The following PATJ variants were observed in gnomAD, a reference collection of about 807,000 sequenced individuals.
The protein encoded by PATJ is inaD-like protein.
Under a neutral mutation model 224.9 loss-of-function variants are expected in PATJ, and 190 were observed. The ratio of observed to expected loss-of-function variants is 0.84; its 90% CI spans 0.75 to 0.95. The LOEUF (loss-of-function observed/expected upper bound fraction) is 0.95, where lower values mean the gene tolerates loss of function less well. Among genes scored for constraint, PATJ ranks in the 40% least tolerant of loss-of-function variants. The pLI, the probability that PATJ is intolerant of heterozygous loss-of-function variation, is 0.00. For synonymous variants in PATJ, 769 were observed against 820.3 expected, an observed-to-expected ratio of 0.94 and a Z score of 1.07; for missense variants, 2,121 against 2,270.3, an observed-to-expected ratio of 0.93 and a Z score of 1.34.
intron 22 of PATJ, among the ~76,000 whole-genome samples, chr1:61,885,389 A>G (rs1668671280): frequency 6.6e-6 from 1 of 152,232 alleles, no homozygotes; most frequent in African/African-American, 2.4e-5. Context: ...GACACTTCTC[A>G]AAAGAAGACA....
chr1:61,918,919 C>T (rs961424658), intron 26 of PATJ, among the ~76,000 whole-genome samples: 1 of 151,854 alleles, frequency 6.6e-6, no homozygotes, highest in Non-Finnish European at 1.5e-5. Flanking sequence ...GGTCACACCA[C>T]TGCACTCCAG....
At chr1:62,077,165 A>T (rs1284177264) in intron 31 of PATJ, among the ~76,000 whole-genome samples, 1 of 152,214 alleles carries the variant, frequency 6.6e-6, no homozygotes, top group Non-Finnish European at 1.5e-5. Context: ...AGAATGACCT[A>T]AAAATTGTAC....
chr1:61,800,635 G>T (rs541491489), intron 11 of PATJ, among the ~76,000 whole-genome samples: 29 of 152,186 alleles, frequency 1.9e-4, no homozygotes, highest in Non-Finnish European at 3.4e-4. Context: ...CAACGTGCAG[G>T]TTTGTTACAT....
intron 27 of PATJ, among the ~76,000 whole-genome samples, chr1:61,958,521 C>T (rs906559496): frequency 1.3e-5 from 2 of 152,158 alleles, no homozygotes; most frequent in Non-Finnish European, 2.9e-5. Flanking sequence ...AAGTACCCTA[C>T]CATTTGTAAA....
Position 61,827,455 on chromosome 1 carries a change from C to G in PATJ, c.1852C>G (p.Arg618Gly). 1 of 1,613,876 alleles carries G rather than the reference C, an allele frequency of 6.2e-7. No homozygotes were observed. Among genetic ancestry groups the G allele is most frequent in the Non-Finnish European group, 8.5e-7 (1 of 1,179,922 alleles). Residue 618 changes from arginine to glycine, a missense_variant, in exon 16 of 44, where the codon CGA becomes GGA. By Grantham distance (125) the Arg-to-Gly change is moderately radical. Transcript: ENST00000642238. ...NGMQLYGKSR[R>G]EAVSFLKEVP... ...CATGCAGCTTTATGGAAAATCTCGC[C>G]GAGAAGCAGTCTCCTTTCTTAAAGA...
chr1:61,783,439 T>G (rs1254809061), intron 7 of PATJ, among the ~76,000 whole-genome samples: 1 of 149,060 alleles, frequency 6.7e-6, no homozygotes, highest in East Asian at 1.9e-4. Context: ...TTTTTTTTTT[T>G]TTAAATAGAG....
At chr1:61,871,511 GCA>G (rs1666563255) in intron 20 of PATJ, among the ~76,000 whole-genome samples, 1 of 119,116 alleles carries the variant, frequency 8.4e-6, no homozygotes, top group Non-Finnish European at 1.8e-5. Context: ...ACATATATAC[GCA>G]TATATATAAA....
Position 62,066,249 on chromosome 1 carries a change from A to C in PATJ, c.4126-13201A>C, listed in dbSNP as rs534598577. ...GTATCTTATATGAGATTGGTCTATT[A>C]CTATTCCCATTTTATAGATAAGGAA... On this transcript the variant is annotated intron_variant, in intron 31 of 43. Transcript: ENST00000642238. Among the ~76,000 whole-genome samples, 39 of 152,334 alleles carry C rather than the reference A, an allele frequency of 2.6e-4. No homozygotes were observed. In the South Asian group the frequency reaches 7.0e-3, roughly 28 times the overall value.
intron 27 of PATJ, among the ~76,000 whole-genome samples, chr1:61,961,133 A>T (rs1681212523): frequency 6.6e-6 from 1 of 152,230 alleles, no homozygotes; most frequent in Non-Finnish European, 1.5e-5. Flanking sequence ...CACGCTCTGG[A>T]ACGATGCCAA....
intron 14 of PATJ, among the ~76,000 whole-genome samples, chr1:61,812,433 A>AGTGTGTGTGTGTGTGTGTGTGT (rs71050167): frequency 7.8e-4 from 66 of 85,116 alleles, no homozygotes; most frequent in Admixed American, 1.4e-3. Flanking sequence ...AGAGAGAGAG[A>AGTGTGTGTGTGTGTGTGTGTGT]GTGTGTGTGT....
rs540886423 is a variant in PATJ, at chr1:61,966,349, G to T, written c.3671-23819G>T. Among the ~76,000 whole-genome samples, 13 of 152,322 alleles carry T rather than the reference G, an allele frequency of 8.5e-5. 1 individual carries two copies. Among genetic ancestry groups the T allele is most frequent in the Admixed American group, 5.2e-4 (8 of 15,302 alleles). The stretch of plus-strand genomic sequence containing the variant: ...GGGTTAGGATCCAGACCCCAAGGGA[G>T]GGTTCTTGGATCTCGCGCCAAGGCG... On this transcript the variant is annotated intron_variant, in intron 27 of 43. Coordinates refer to ENST00000642238, the MANE Select transcript of PATJ (RefSeq NM_001350145.3).
At chr1:61,851,005 A>G (rs900760990) in intron 17 of PATJ, among the ~76,000 whole-genome samples, 2 of 152,168 alleles carry the variant, frequency 1.3e-5, no homozygotes, top group African/African-American at 4.8e-5. Flanking sequence ...TCAACATTTT[A>G]ACTACTCTTC....
chr1:61,910,068 A>C (rs193244291), intron 25 of PATJ, among the ~76,000 whole-genome samples: 13 of 152,356 alleles, frequency 8.5e-5, no homozygotes, highest in African/African-American at 3.1e-4. Context: ...TAATTCTTAC[A>C]ATATTGAGAA....
intron 20 of PATJ, among the ~76,000 whole-genome samples, chr1:61,873,021 C>T (rs1413388583): frequency 2.0e-5 from 3 of 152,058 alleles, no homozygotes; most frequent in Non-Finnish European, 4.4e-5. Context: ...AAAAGTAGAC[C>T]ATTTTCAAAA....
intron 3 of PATJ, among the ~76,000 whole-genome samples, chr1:61,765,066 ATTTTTTTT>A (rs71582647): frequency 2.1e-4 from 5 of 24,008 alleles, no homozygotes; most frequent in East Asian, 2.0e-3. Context: ...ATTGACATTC[ATTTTTTTT>A]TTTTTTTTTT....
rs34267345 is a variant in PATJ at position 61,965,121 on chromosome 1, C to CAAAAAAAAAAAAAAAAA, written c.3671-25023_3671-25007dup. Among the ~76,000 whole-genome samples the CAAAAAAAAAAAAAAAAA allele has an allele frequency of 3.7e-4, 20 of 54,382 alleles. 1 individual carries two copies. The highest frequency in any genetic ancestry group is 4.0e-4 in the African/African-American group (4 of 9,954). 35.7% of individuals were successfully genotyped at this position (54,382 alleles called of 152,430 possible). A position where few individuals can be genotyped will look rare whatever the true frequency, so the allele number is the denominator to read the frequency against. On this transcript the variant is annotated intron_variant, in intron 27 of 43. Coordinates refer to ENST00000642238, the MANE Select transcript of PATJ (RefSeq NM_001350145.3). The stretch of plus-strand genomic sequence containing the variant: ...TGGGCCACTGAAGGAGACTCTGTCT[C>CAAAAAAAAAAAAAAAAA]AAAAAAAAAAAAAAAAAAAAAAAAA...
Position 62,018,462 on chromosome 1 carries a change from G to C in PATJ, c.3959+515G>C, listed in dbSNP as rs1646903119. Among the ~76,000 whole-genome samples the C allele has an allele frequency of 6.6e-6, 1 of 152,210 alleles. No individual in the cohort carries two copies. Among genetic ancestry groups the C allele is most frequent in the South Asian group, 2.1e-4 (1 of 4,830 alleles). ...ATTTACTCAGACCTCCCTGCAAGCT[G>C]ATTGAGCCCTCATGGTACAAGTAAA... On this transcript the variant is annotated intron_variant, in intron 29 of 43. Coordinates refer to ENST00000642238, the MANE Select transcript of PATJ (RefSeq NM_001350145.3). This position sits in a 1 kb window ranked among gnomAD's most constrained non-coding sequence, Gnocchi z 4.2.
In PATJ at chr1:62,161,174, C is replaced by T; in HGVS notation, c.*120C>T. On this transcript the variant is annotated 3_prime_UTR_variant, in exon 44 of 44. Coordinates refer to ENST00000642238, the MANE Select transcript of PATJ (RefSeq NM_001350145.3). Reference sequence around the variant, plus strand: ...TGCACCTTCATTCTTATTTCTTGCCCTCTCTGCTCAGGAGAAATGGCTGAG... The same window carrying T: ...TGCACCTTCATTCTTATTTCTTGCCTTCTCTGCTCAGGAGAAATGGCTGAG... 1.3e-6 allele frequency: 1 copy of T among 745,920 alleles called. No homozygotes were observed. The highest frequency in any genetic ancestry group is 1.9e-6 in the Non-Finnish European group (1 of 521,792). 46.2% of individuals were successfully genotyped at this position (745,920 alleles called of 1,614,324 possible).
At chr1:62,131,855 A>G (rs545571360) in intron 41 of PATJ, among the ~76,000 whole-genome samples, 2 of 142,096 alleles carry the variant, frequency 1.4e-5, no homozygotes, top group South Asian at 2.4e-4. Flanking sequence ...ACCAAATATT[A>G]GGATGAATGA....
Sources: allele counts gnomAD v4.1 joint callset (sites outside exome capture counted in the v4.1 genomes callset), GRCh38; gene constraint gnomAD v4.1.1; non-coding constraint Gnocchi (gnomAD v3.1); transcripts MANE v1.5; gene names NCBI Gene and HGNC (gene_info 2026-07-23, HGNC 2026-07-21).